The following TWSG1 variants were observed in gnomAD, a reference collection of about 807,000 sequenced individuals.
The protein encoded by TWSG1 is twisted gastrulation protein homolog 1.
TWSG1 carries 15 observed loss-of-function variants against 23.0 expected under a neutral mutation model. The observed-to-expected ratio is 0.65, with a 90% CI of 0.44 to 1.00. The LOEUF (loss-of-function observed/expected upper bound fraction) is 1.00. TWSG1 is among the 50% of genes least tolerant of loss of function. The probability of loss-of-function intolerance (pLI) is 0.00; values close to 1 mark genes in which losing one functional copy is unlikely to be tolerated. For synonymous variants in TWSG1, 86 were observed against 92.8 expected, an observed-to-expected ratio of 0.93 and a Z score of 0.42; for missense variants, 242 against 278.7, an observed-to-expected ratio of 0.87 and a Z score of 0.94.
At chr18:9,382,478 G>T (rs567217660) in intron 3 of TWSG1, among the ~76,000 whole-genome samples, 13 of 151,712 alleles carry the variant, frequency 8.6e-5, no homozygotes, top group African/African-American at 3.1e-4. Flanking sequence ...AACCGATATC[G>T]GGCCACTGCA....
chr18:9,355,373 C>T (rs954080943), intron 2 of TWSG1, among the ~76,000 whole-genome samples: 2 of 151,632 alleles, frequency 1.3e-5, no homozygotes, highest in African/African-American at 4.8e-5. Flanking sequence ...GTTGTTTTTT[C>T]TTTTCTATTT....
intron 3 of TWSG1, among the ~76,000 whole-genome samples, chr18:9,372,931 A>G (rs1598829674): frequency 1.3e-5 from 2 of 152,226 alleles, no homozygotes; most frequent in East Asian, 3.8e-4. Flanking sequence ...TTTGAACATC[A>G]GTGGTCTAAA....
intron 2 of TWSG1, among the ~76,000 whole-genome samples, chr18:9,357,267 C>T (rs2040531367): frequency 6.6e-6 from 1 of 152,132 alleles, no homozygotes; most frequent in Admixed American, 6.5e-5. Flanking sequence ...CAAAATTCTG[C>T]AGTACCAAAA....
At chr18:9,363,327 C>CTTTTT (rs367828859) in intron 3 of TWSG1, among the ~76,000 whole-genome samples, 13 of 150,916 alleles carry the variant, frequency 8.6e-5, no homozygotes, top group Non-Finnish European at 1.6e-4. Flanking sequence ...GCTCTTTTTT[C>CTTTTT]TTTTTTTTTA....
chr18:9,375,518 G>A (rs887568128), intron 3 of TWSG1, among the ~76,000 whole-genome samples: 1 of 152,116 alleles, frequency 6.6e-6, no homozygotes, highest in Admixed American at 6.6e-5. Context: ...GAAATAAAAG[G>A]TGTACAGAGT....
intron 3 of TWSG1, among the ~76,000 whole-genome samples, chr18:9,385,385 G>C (rs952955826): frequency 7.2e-6 from 1 of 138,758 alleles, no homozygotes; most frequent in Non-Finnish European, 1.6e-5. Context: ...AATAGAATAA[G>C]TGTAGCTTAA....
intron 2 of TWSG1, among the ~76,000 whole-genome samples, chr18:9,347,433 G>A (rs1392882015): frequency 1.3e-5 from 2 of 152,210 alleles, no homozygotes; most frequent in African/African-American, 2.4e-5. Context: ...GGGGAGTACT[G>A]TGTTGCCATC....
intron 3 of TWSG1, among the ~76,000 whole-genome samples, chr18:9,368,838 T>C (rs559744443): frequency 6.6e-6 from 1 of 151,890 alleles, no homozygotes; most frequent in Non-Finnish European, 1.5e-5. Flanking sequence ...ATCCCAGCTA[T>C]TCGGGAGGCT....
chr18:9,389,364 C>T (rs541293464), intron 3 of TWSG1, among the ~76,000 whole-genome samples: 2 of 152,194 alleles, frequency 1.3e-5, no homozygotes, highest in Non-Finnish European at 2.9e-5. Flanking sequence ...CTTTTTGATA[C>T]CACTTAAAGA....
At chr18:9,391,113 A>G (rs2040710357) in intron 3 of TWSG1, among the ~76,000 whole-genome samples, 1 of 152,242 alleles carries the variant, frequency 6.6e-6, no homozygotes, top group South Asian at 2.1e-4. Context: ...TCATTTCAAC[A>G]ATGTTTATAG....
chr18:9,385,059 T>C (rs1401826550), intron 3 of TWSG1, among the ~76,000 whole-genome samples: 2 of 152,174 alleles, frequency 1.3e-5, no homozygotes, highest in African/African-American at 4.8e-5. Context: ...CCAAAGAGGC[T>C]CCAGTTGCAG....
chr18:9,355,241 C>T (rs1220729593), intron 2 of TWSG1, among the ~76,000 whole-genome samples: 3 of 152,214 alleles, frequency 2.0e-5, no homozygotes, highest in Non-Finnish European at 4.4e-5. Flanking sequence ...CAGGCGTGAG[C>T]CACCACACCC....
At chr18:9,341,987 T>C (rs2040448372) in intron 2 of TWSG1, among the ~76,000 whole-genome samples, 1 of 152,208 alleles carries the variant, frequency 6.6e-6, no homozygotes, top group Non-Finnish European at 1.5e-5. Flanking sequence ...TTATGAGTAC[T>C]GCCCTTGAAA....
chr18:9,336,908 T>TCACACTCTTCAAAAA (rs1272783954), intron 1 of TWSG1, among the ~76,000 whole-genome samples: 17 of 152,180 alleles, frequency 1.1e-4, no homozygotes, highest in African/African-American at 4.1e-4. Context: ...CTTTAAATGA[T>TCACACTCTTCAAAAA]CACTCAAAAG....
intron 3 of TWSG1, among the ~76,000 whole-genome samples, chr18:9,390,811 A>G (rs187637151): frequency 5.2e-4 from 79 of 152,328 alleles, no homozygotes; most frequent in African/African-American, 1.7e-3. Flanking sequence ...CAGGAGTTTG[A>G]GACAAGCCTG....
At chr18:9,339,259 T>G (rs990259662) in intron 2 of TWSG1, among the ~76,000 whole-genome samples, 1 of 152,116 alleles carries the variant, frequency 6.6e-6, no homozygotes, top group Non-Finnish European at 1.5e-5. Context: ...AAGGGAGTAT[T>G]TAAAAGAGAA....
At chr18:9,377,744 G>C (rs1204907630) in intron 3 of TWSG1, among the ~76,000 whole-genome samples, 3 of 152,102 alleles carry the variant, frequency 2.0e-5, no homozygotes, top group Admixed American at 2.0e-4. Flanking sequence ...TTTGAGACAG[G>C]GTCTCTACTC....
At chr18:9,369,762 C>T (rs1247802592) in intron 3 of TWSG1, among the ~76,000 whole-genome samples, 1 of 152,020 alleles carries the variant, frequency 6.6e-6, no homozygotes, top group Non-Finnish European at 1.5e-5. Context: ...AGCTCCTGAC[C>T]TCAAGTGATC....
rs2040413892 is a variant in TWSG1 at position 9,334,920 on chromosome 18, G to A, written c.-38G>A. ...GCGACTTCGCGGGACCGTGGCGCAT[G>A]GTGAGTGGGAGCGGCTGGGGGGTTG... On this transcript the variant is annotated splice_region_variant and 5_prime_UTR_variant, in exon 1 of 5. An upstream start codon of the reference 5' UTR is lost. Coordinates refer to ENST00000262120, the MANE Select transcript of TWSG1 (RefSeq NM_020648.6). This position sits in a 1 kb window ranked among gnomAD's most constrained non-coding sequence, Gnocchi z 4.7. 1 of 152,432 alleles carries A rather than the reference G, an allele frequency of 6.6e-6. No individual in the cohort carries two copies. The highest frequency in any genetic ancestry group is 1.5e-5 in the Non-Finnish European group (1 of 68,288). 9.4% of individuals were successfully genotyped at this position (152,432 alleles called of 1,614,324 possible). A position where few individuals can be genotyped will look rare whatever the true frequency, so the allele number is the denominator to read the frequency against.
Sources: gnomAD v4.1 joint callset for allele counts (sites outside exome capture counted in the v4.1 genomes callset) on GRCh38, gnomAD v4.1.1 for gene constraint, Gnocchi (gnomAD v3.1) non-coding constraint, MANE v1.5 for transcripts, NCBI Gene and HGNC (gene_info 2026-07-23, HGNC 2026-07-21) for gene names.